PON3: variants seen among roughly 807,000 people sequenced by gnomAD.
The protein encoded by PON3 is paraoxonase 3.
PON3 carries 37 observed loss-of-function variants against 36.3 expected under a neutral mutation model. The ratio of observed to expected loss-of-function variants is 1.02; its 90% CI spans 0.78 to 1.34. The LOEUF is 1.34. Among genes scored for constraint, PON3 ranks in the 40% most tolerant of loss-of-function variants. The pLI, the probability that PON3 is intolerant of heterozygous loss-of-function variation, is 0.00. For missense variants in PON3, 415 were observed against 426.5 expected, an observed-to-expected ratio of 0.97 and a Z score of 0.24; for synonymous variants, 155 against 154.8, an observed-to-expected ratio of 1.00 and a Z score of -0.01.
intron 5 of PON3, among the ~76,000 whole-genome samples, chr7:95,366,762 G>A (rs1253263548): frequency 1.3e-5 from 2 of 152,146 alleles, no homozygotes. Context: ...GTGTAACTTG[G>A]GCAAGTTATC....
chr7:95,387,773 A>G (rs1312308390), intron 3 of PON3, among the ~76,000 whole-genome samples: 1 of 152,246 alleles, frequency 6.6e-6, no homozygotes, highest in Admixed American at 6.5e-5. Flanking sequence ...TGGTACTGGT[A>G]CCAAAACAGA....
chr7:95,389,098 A>AT (rs1277725979), intron 3 of PON3, among the ~76,000 whole-genome samples: 1 of 152,220 alleles, frequency 6.6e-6, no homozygotes, highest in Non-Finnish European at 1.5e-5. Context: ...ATAAAAAAAA[A>AT]TCTAAACTGA....
At position 95,362,396 on chromosome 7, in the gene PON3, A is replaced by G; in HGVS notation, c.872T>C (p.Leu291Pro). 1.2e-6 allele frequency: 2 copies of G among 1,613,798 alleles called. No homozygotes were observed. Among genetic ancestry groups the G allele is most frequent in the Non-Finnish European group, 1.7e-6 (2 of 1,179,760 alleles). ...TGGAGGGTCCTCAGGGTTATAGTTC[A>G]GTAGCTTCATAGGATTAGGATGGCA... is the stretch of plus-strand genomic sequence containing the variant. ...AGCHPNPMKLLNYNPEDPPGS... is the reference protein window; with the variant it reads ...AGCHPNPMKLPNYNPEDPPGS... The change falls in exon 8 of 9, where the codon CTG (leucine) becomes CCG (proline). Residue 291 changes from leucine (L) to proline (P), a missense_variant. Coordinates refer to ENST00000265627, the MANE Select transcript of PON3 (RefSeq NM_000940.3).
In PON3 at chr7:95,381,054, TA is replaced by T. The variant is rs1204598888; in HGVS notation, c.202-8717del. Among the ~76,000 whole-genome samples the T allele has an allele frequency of 2.6e-5, 4 of 152,236 alleles. No individual in the cohort carries two copies. The East Asian group carries it at 7.7e-4, about 29-fold the overall frequency. ...GAGGGTGGGGGCCAATATTCAACGA[TA>T]TTAAAGAAAAGAATTTTCAACCCAG... On this transcript the variant is annotated intron_variant, in intron 3 of 8. Coordinates refer to ENST00000265627, the MANE Select transcript of PON3 (RefSeq NM_000940.3).
intron 4 of PON3, among the ~76,000 whole-genome samples, chr7:95,369,745 C>T (rs184039758): frequency 2.6e-4 from 40 of 152,120 alleles, no homozygotes; most frequent in Admixed American, 1.5e-3. Flanking sequence ...CACTGCACTC[C>T]AGCTTGGGAG....
At chr7:95,381,765 T>A (rs199767974) in intron 3 of PON3, among the ~76,000 whole-genome samples, 1 of 152,084 alleles carries the variant, frequency 6.6e-6, no homozygotes. Flanking sequence ...GAGACTTTAA[T>A]ACCCCACTGT....
Position 95,367,344 on chromosome 7 carries a change from A to G in PON3, c.494+18T>C, listed in dbSNP as rs561485185. On this transcript the variant is annotated intron_variant, in intron 5 of 8. Transcript: ENST00000265627. ...AGGTGCAAAGTAAATAGAACCGCAC[A>G]ATACTTTCATTCCATACCTTTTGAG... 3 of 1,610,180 alleles carry G rather than the reference A, an allele frequency of 1.9e-6. No homozygotes were observed. In the South Asian group the frequency reaches 3.3e-5, roughly 18 times the overall value.
In PON3 at chr7:95,377,004, C is replaced by G. The variant is rs12704793; in HGVS notation, c.202-4666G>C. 3.4e-4 allele frequency among the ~76,000 whole-genome samples: 52 copies of G among 152,316 alleles called. No individual in the cohort carries two copies. In the East Asian group the frequency reaches 4.4e-3, roughly 13 times the overall value. On this transcript the variant is annotated intron_variant, in intron 3 of 8. Coordinates refer to ENST00000265627, the MANE Select transcript of PON3 (RefSeq NM_000940.3). The stretch of plus-strand genomic sequence containing the variant: ...TTTCCCTTTCCTAGCCAAGGGAAGC[C>G]GTGACAGTCTGTACCTGGAGGAACG...
At chr7:95,381,985 A>T (rs952680697) in intron 3 of PON3, among the ~76,000 whole-genome samples, 1 of 152,234 alleles carries the variant, frequency 6.6e-6, no homozygotes, top group Non-Finnish European at 1.5e-5. Flanking sequence ...AAAAGAACAG[A>T]AATTATAACA....
intron 4 of PON3, among the ~76,000 whole-genome samples, chr7:95,367,821 C>T (rs1808732181): frequency 6.6e-6 from 1 of 152,120 alleles, no homozygotes; most frequent in African/African-American, 2.4e-5. Flanking sequence ...ATGTGGTTTC[C>T]CCAGATGGCC....
At chr7:95,384,641 C>T (rs1809145545) in intron 3 of PON3, among the ~76,000 whole-genome samples, 1 of 152,088 alleles carries the variant, frequency 6.6e-6, no homozygotes, top group African/African-American at 2.4e-5. Context: ...AAATCAAAAC[C>T]ACAGTGGGAT....
chr7:95,379,231 A>T (rs1007349405), intron 3 of PON3, among the ~76,000 whole-genome samples: 4 of 152,260 alleles, frequency 2.6e-5, no homozygotes, highest in African/African-American at 9.6e-5. Flanking sequence ...CATCTGTCCA[A>T]GATGGCCAAA....
At chr7:95,393,892 C>G (rs975615540) in intron 2 of PON3, among the ~76,000 whole-genome samples, 6 of 151,912 alleles carry the variant, frequency 3.9e-5, no homozygotes, top group Non-Finnish European at 7.4e-5. Context: ...CTGTGAGGTT[C>G]CTTCGTTTAT....
At chr7:95,380,919 A>T (rs1809037524) in intron 3 of PON3, among the ~76,000 whole-genome samples, 1 of 152,220 alleles carries the variant, frequency 6.6e-6, no homozygotes, top group Non-Finnish European at 1.5e-5. Context: ...CCAAGGTTGA[A>T]ATGAAGGAAA....
chr7:95,361,058 T>G (rs985639880), intron 8 of PON3, among the ~76,000 whole-genome samples: 2 of 152,148 alleles, frequency 1.3e-5, no homozygotes, highest in African/African-American at 4.8e-5. Flanking sequence ...AATAATCCTA[T>G]GTATCATATT....
chr7:95,361,095 T>A (rs1808561006), intron 8 of PON3, among the ~76,000 whole-genome samples: 1 of 152,218 alleles, frequency 6.6e-6, no homozygotes, highest in South Asian at 2.1e-4. Flanking sequence ...GACATTGTGG[T>A]TGGGCTTTTA....
At chr7:95,375,249 T>C (rs1808888767) in intron 3 of PON3, among the ~76,000 whole-genome samples, 1 of 151,308 alleles carries the variant, frequency 6.6e-6, no homozygotes, top group Non-Finnish European at 1.5e-5. Context: ...TATATGTATA[T>C]GTATACATAT....
intron 2 of PON3, among the ~76,000 whole-genome samples, chr7:95,392,766 CTTTAA>C (rs996196064): frequency 1.3e-5 from 2 of 152,216 alleles, no homozygotes; most frequent in African/African-American, 4.8e-5. Context: ...TTACTGGTCC[CTTTAA>C]TTTAGACAAT....
intron 6 of PON3, 183 bp downstream of exon 6, chr7:95,363,680 A>C: frequency 6.0e-6 from 4 of 666,942 alleles, no homozygotes; most frequent in Non-Finnish European, 7.8e-6. Context: ...GGAAGAACCT[A>C]AAGTCCAAGG....
Sources: gnomAD v4.1 joint callset for allele counts (sites outside exome capture counted in the v4.1 genomes callset) on GRCh38, gnomAD v4.1.1 for gene constraint, MANE v1.5 for transcripts, NCBI Gene and HGNC (gene_info 2026-07-23, HGNC 2026-07-21) for gene names.